The following EEPD1 variants were observed in gnomAD, a reference collection of about 807,000 sequenced individuals.
The protein encoded by EEPD1 is endonuclease/exonuclease/phosphatase family domain containing 1, also known as endonuclease/exonuclease/phosphatase family domain-containing protein 1.
Under a neutral mutation model 46.3 loss-of-function variants are expected in EEPD1, and 17 were observed. The ratio of observed to expected loss-of-function variants is 0.37; its 90% CI spans 0.25 to 0.55. The LOEUF is 0.55. Among genes scored for constraint, EEPD1 ranks in the 20% least tolerant of loss-of-function variants. EEPD1 has a pLI of 0.83. For missense variants in EEPD1, 673 were observed against 745.6 expected (o/e 0.90, Z 1.13); for synonymous variants, 313 against 315.6 (o/e 0.99, Z 0.09).
chr7:36,270,432 A>G (rs539529516), intron 3 of EEPD1, among the ~76,000 whole-genome samples: 9 of 152,172 alleles, frequency 5.9e-5, no homozygotes, highest in Admixed American at 3.9e-4. Context: ...TACATTAGGT[A>G]TATCTCCTAA....
At chr7:36,263,794 C>T (rs1219476227) in intron 3 of EEPD1, among the ~76,000 whole-genome samples, 1 of 152,198 alleles carries the variant, frequency 6.6e-6, no homozygotes, top group African/African-American at 2.4e-5. Context: ...CTCCATCCAC[C>T]TGCCTAAATC....
chr7:36,294,761 T>C (rs1279110651), intron 6 of EEPD1, among the ~76,000 whole-genome samples: 1 of 152,126 alleles, frequency 6.6e-6, no homozygotes, highest in African/African-American at 2.4e-5. Context: ...TATAAATCAA[T>C]AAACAAAACA....
At chr7:36,268,014 C>A (rs1787049500) in intron 3 of EEPD1, among the ~76,000 whole-genome samples, 1 of 152,198 alleles carries the variant, frequency 6.6e-6, no homozygotes, top group African/African-American at 2.4e-5. Context: ...TGGTCTTGGA[C>A]CTCCAGCTTC....
At chr7:36,239,516 A>G (rs1482273351) in intron 3 of EEPD1, among the ~76,000 whole-genome samples, 1 of 152,156 alleles carries the variant, frequency 6.6e-6, no homozygotes, top group Non-Finnish European at 1.5e-5. Context: ...CCATTTCCAA[A>G]ACCAGTACTT....
At chr7:36,233,630 A>C (rs1009385982) in intron 2 of EEPD1, among the ~76,000 whole-genome samples, 1 of 152,332 alleles carries the variant, frequency 6.6e-6, no homozygotes, top group East Asian at 1.9e-4. Context: ...TGAAGAAAAT[A>C]ACATATTGTG....
chr7:36,157,082 G>C (rs949056244), intron 2 of EEPD1, among the ~76,000 whole-genome samples: 8 of 152,088 alleles, frequency 5.3e-5, no homozygotes, highest in African/African-American at 1.9e-4. Context: ...CATTGTATTA[G>C]GCATTCTAAG....
intron 2 of EEPD1, among the ~76,000 whole-genome samples, chr7:36,169,806 C>G (rs1031983718): frequency 6.6e-6 from 1 of 152,230 alleles, no homozygotes; most frequent in African/African-American, 2.4e-5. Context: ...CTGGAATGTT[C>G]TGTCTGAACT....
chr7:36,233,161 A>G (rs760469685), intron 2 of EEPD1, among the ~76,000 whole-genome samples: 4 of 152,230 alleles, frequency 2.6e-5, no homozygotes, highest in African/African-American at 4.8e-5. Flanking sequence ...AACTTAGCAT[A>G]TAAGTTGCTG....
intron 3 of EEPD1, among the ~76,000 whole-genome samples, chr7:36,246,564 C>T (rs1344369208): frequency 1.3e-5 from 2 of 152,178 alleles, no homozygotes; most frequent in African/African-American, 2.4e-5. Context: ...CCTTACTTCT[C>T]TCTGGAGAAG....
intron 2 of EEPD1, among the ~76,000 whole-genome samples, chr7:36,237,207 C>T (rs1034732820): frequency 6.6e-6 from 1 of 152,238 alleles, no homozygotes; most frequent in African/African-American, 2.4e-5. Context: ...ACTCCGAACA[C>T]GTCCAAACAT....
At chr7:36,224,895 A>G (rs1204618481) in intron 2 of EEPD1, among the ~76,000 whole-genome samples, 1 of 152,260 alleles carries the variant, frequency 6.6e-6, no homozygotes, top group East Asian at 1.9e-4. Flanking sequence ...TGGGGGTTAT[A>G]CTGGGTCATC....
intron 3 of EEPD1, among the ~76,000 whole-genome samples, chr7:36,280,418 G>C (rs1192513779): frequency 1.3e-5 from 2 of 152,218 alleles, no homozygotes; most frequent in Non-Finnish European, 2.9e-5. Context: ...ATGACCCCAA[G>C]AGAAGGGGTT....
Position 36,213,330 on chromosome 7 carries a change from G to A in EEPD1, c.879-25655G>A, listed in dbSNP as rs147914755. On this transcript the variant is annotated intron_variant, in intron 2 of 7. Transcript: ENST00000242108. ...GGGGCGTTCAAGAATAGTGTGACTC[G>A]GGCTTGGTCTGATGGTGTCTGAGAT... Among the ~76,000 whole-genome samples, 20 of 152,146 alleles carry A rather than the reference G, an allele frequency of 1.3e-4. No homozygotes were observed. The South Asian group carries it at 2.5e-3, about 19-fold the overall frequency.
chr7:36,290,915 G>T (rs776393599), intron 6 of EEPD1, among the ~76,000 whole-genome samples: 8 of 152,172 alleles, frequency 5.3e-5, no homozygotes, highest in Non-Finnish European at 1.2e-4. Context: ...AGGCTCCTGC[G>T]CATCTACCTG....
At chr7:36,211,908 A>G (rs1242882035) in intron 2 of EEPD1, among the ~76,000 whole-genome samples, 1 of 150,766 alleles carries the variant, frequency 6.6e-6, no homozygotes, top group South Asian at 2.1e-4. Context: ...CTGGGCAACA[A>G]GAGCGAGACT....
chr7:36,281,051 C>T (rs1448080785), intron 3 of EEPD1, 64 bp from the exon 4 acceptor site: 7 of 1,429,770 alleles, frequency 4.9e-6, no homozygotes, highest in South Asian at 3.5e-5. Context: ...CTTCTCAGGC[C>T]GCCGCCAGCC....
chr7:36,190,439 G>A (rs1419472394), intron 2 of EEPD1, among the ~76,000 whole-genome samples: 1 of 152,190 alleles, frequency 6.6e-6, no homozygotes, highest in East Asian at 1.9e-4. Context: ...CTCTTGATTT[G>A]ACTCCTGCGT....
intron 2 of EEPD1, among the ~76,000 whole-genome samples, chr7:36,183,014 C>T (rs1268364185): frequency 6.6e-6 from 1 of 151,496 alleles, no homozygotes; most frequent in Non-Finnish European, 1.5e-5. Context: ...TGAGCAGGGC[C>T]AGCCTGGGTG....
chr7:36,238,943 A>G (rs1177793927), intron 2 of EEPD1, 42 bp from the exon 3 acceptor site: 3 of 1,585,592 alleles, frequency 1.9e-6, no homozygotes, highest in Non-Finnish European at 2.6e-6. Flanking sequence ...GTGACATGAA[A>G]TGATTTGTTT....
Sources: allele counts gnomAD v4.1 joint callset (sites outside exome capture counted in the v4.1 genomes callset), GRCh38; gene constraint gnomAD v4.1.1; transcripts MANE v1.5; gene names NCBI Gene and HGNC (gene_info 2026-07-23, HGNC 2026-07-21).